TBX5: variants seen among roughly 807,000 people sequenced by gnomAD.
TBX5 encodes the protein T-box transcription factor 5, also known as T-box transcription factor TBX5.
In TBX5, 8 loss-of-function variants were observed where a neutral mutation model predicts 51.1. The observed-to-expected ratio is 0.16, with a 90% CI of 0.09 to 0.28. The LOEUF (loss-of-function observed/expected upper bound fraction) is 0.28. TBX5 is among the 10% of genes least tolerant of loss of function. The pLI, the probability that TBX5 is intolerant of heterozygous loss-of-function variation, is 1.00. For synonymous variants in TBX5, 302 were observed against 266.4 expected (o/e 1.13, Z -1.30); for missense variants, 589 against 671.7 (o/e 0.88, Z 1.36).
chr12:114,373,510 G>A (rs756464869), intron 7 of TBX5, among the ~76,000 whole-genome samples: 1 of 152,228 alleles, frequency 6.6e-6, no homozygotes, highest in Non-Finnish European at 1.5e-5. Context: ...CCAGGCTGGA[G>A]TGCAATGGTG....
chr12:114,383,840 T>C (rs1282931503), intron 7 of TBX5, among the ~76,000 whole-genome samples: 1 of 152,146 alleles, frequency 6.6e-6, no homozygotes, highest in East Asian at 1.9e-4. Context: ...AACCCTTTGA[T>C]TGCAGGTGGG....
At position 114,364,259 on chromosome 12, in the gene TBX5, G is replaced by A. The variant is rs3782461; in HGVS notation, c.982+1906C>T. ...TTTTTCCTAAAGGGCTAGGCACTGG[G>A]CACTGGATTCACAAAGGCTTGTGTT... On this transcript the variant is annotated intron_variant, in intron 8 of 8. Coordinates refer to ENST00000405440, the MANE Select transcript of TBX5 (RefSeq NM_181486.4). 0.017 allele frequency among the ~76,000 whole-genome samples: 2,639 copies of A among 152,312 alleles called. 324 individuals are homozygous for A. In the East Asian group the frequency reaches 0.35, roughly 20 times the overall value.
intron 6 of TBX5, among the ~76,000 whole-genome samples, chr12:114,392,896 G>GA (rs1380285998): frequency 1.3e-5 from 2 of 152,120 alleles, no homozygotes; most frequent in East Asian, 3.9e-4. Context: ...AGGATACTCG[G>GA]AAAAATCCTC....
intron 7 of TBX5, 72 bp downstream of exon 7, chr12:114,385,404 G>A: frequency 7.4e-7 from 1 of 1,353,650 alleles, no homozygotes; most frequent in East Asian, 2.3e-5. Flanking sequence ...GAGGTGCTGG[G>A]TTGCTGCTGG....
At chr12:114,394,720 G>T in intron 6 of TBX5, 21 bp downstream of exon 6, 1 of 1,613,978 alleles carries the variant, frequency 6.2e-7, no homozygotes, top group Non-Finnish European at 8.5e-7. Flanking sequence ...CCAGGCACTG[G>T]TTCCTGGGCT....
chr12:114,380,696 G>GGT (rs1870460165), intron 7 of TBX5, among the ~76,000 whole-genome samples: 3 of 152,274 alleles, frequency 2.0e-5, no homozygotes, highest in Non-Finnish European at 4.4e-5. Flanking sequence ...TGGGCATGGT[G>GGT]GTATGCACCT....
At chr12:114,357,440 G>C (rs1868987963) in intron 8 of TBX5, among the ~76,000 whole-genome samples, 1 of 152,190 alleles carries the variant, frequency 6.6e-6, no homozygotes, top group African/African-American at 2.4e-5. Flanking sequence ...GACATGTCTG[G>C]ATTTGAATCA....
rs1868775429 is a variant in TBX5, at chr12:114,354,726, G to GA, written c.*805dup. On this transcript the variant is annotated 3_prime_UTR_variant, in exon 9 of 9. Transcript: ENST00000405440. ...TTTTCAAAGCAAGCTTTCCGGAAGG[G>GA]AAGCTATAGGCCACGTTTTAGCGAC... 1 of 152,730 alleles carries GA rather than the reference G, an allele frequency of 6.5e-6. No homozygotes were observed. The highest frequency in any genetic ancestry group is 6.5e-5 in the Admixed American group (1 of 15,282). The allele number at this position is 152,730 out of a possible 1,614,324, so 9.5% of individuals were successfully genotyped here. A position where few individuals can be genotyped will look rare whatever the true frequency, so the allele number is the denominator to read the frequency against.
intron 8 of TBX5, among the ~76,000 whole-genome samples, chr12:114,364,835 A>G (rs1170354322): frequency 6.6e-6 from 1 of 152,198 alleles, no homozygotes; most frequent in Non-Finnish European, 1.5e-5. Flanking sequence ...AGAACACCTG[A>G]GTGAGGTCAC....
intron 1 of TBX5, 83 bp from the exon 2 acceptor site, chr12:114,404,019 A>G: frequency 6.8e-7 from 1 of 1,464,302 alleles, no homozygotes; most frequent in Non-Finnish European, 9.2e-7. Flanking sequence ...AATTCTAGTG[A>G]CAGGAGGGAG....
intron 5 of TBX5, among the ~76,000 whole-genome samples, chr12:114,397,643 T>A (rs1193043141): frequency 1.3e-5 from 2 of 152,178 alleles, no homozygotes; most frequent in Admixed American, 1.3e-4. Context: ...AGGCTGCACA[T>A]TCAATACCCT....
upstream of TBX5, chr12:114,408,030 C>A (rs186472610): frequency 1.9e-3 from 1,838 of 985,440 alleles, 1 homozygote; most frequent in Non-Finnish European, 2.1e-3. Context: ...ACCAGGCATA[C>A]CCCAGTAAAA....
intron 6 of TBX5, among the ~76,000 whole-genome samples, chr12:114,388,149 G>T (rs1276297995): frequency 6.6e-6 from 1 of 151,946 alleles, no homozygotes. Context: ...TGCCCAGCCA[G>T]GTTTTTTGTT....
intron 7 of TBX5, 49 bp downstream of exon 7, chr12:114,385,427 A>T: frequency 5.1e-6 from 8 of 1,558,074 alleles, no homozygotes; most frequent in Non-Finnish European, 7.1e-6. Flanking sequence ...TACCTGGGTA[A>T]TTTGAGGGGT....
chr12:114,379,121 C>T (rs1423644689), intron 7 of TBX5, among the ~76,000 whole-genome samples: 1 of 152,190 alleles, frequency 6.6e-6, no homozygotes, highest in Non-Finnish European at 1.5e-5. Context: ...GCCTGACCTG[C>T]CTTCCGTTAC....
chr12:114,403,247 C>T (rs1871947721), intron 2 of TBX5, among the ~76,000 whole-genome samples: 1 of 152,184 alleles, frequency 6.6e-6, no homozygotes, highest in Non-Finnish European at 1.5e-5. Flanking sequence ...GTGCGGCGCG[C>T]GGGTCTAGTC....
chr12:114,355,499 C>T lies in TBX5; in HGVS notation c.*33G>A, dbSNP rs756537403. On this transcript the variant is annotated 3_prime_UTR_variant, in exon 9 of 9. Transcript: ENST00000405440. ...CTTTCTCCTCTCTCTCTCTCTTTCT[C>T]TAGGAAATGTCTGTTGTGAAGCAGG... The T allele has an allele frequency of 1.9e-6, 3 of 1,611,296 alleles. No individual in the cohort carries two copies. The highest frequency in any genetic ancestry group is 2.5e-6 in the Non-Finnish European group (3 of 1,178,106).
At chr12:114,366,090 C>T (rs751096249) in intron 8 of TBX5, 75 bp downstream of exon 8, 1 of 1,408,790 alleles carries the variant, frequency 7.1e-7, no homozygotes. Context: ...GAATACTCCT[C>T]ACCCCCTCAC....
intron 7 of TBX5, 96 bp from the exon 8 acceptor site, chr12:114,366,487 C>T: frequency 1.6e-6 from 2 of 1,248,430 alleles, no homozygotes; most frequent in South Asian, 1.2e-5. Context: ...CCAGAAAAGT[C>T]ACAGAATAAG....
Sources: allele counts gnomAD v4.1 joint callset (sites outside exome capture counted in the v4.1 genomes callset), GRCh38; gene constraint gnomAD v4.1.1; transcripts MANE v1.5; gene names NCBI Gene and HGNC (gene_info 2026-07-23, HGNC 2026-07-21).